The following BARX2 variants were observed in gnomAD, a reference collection of about 807,000 sequenced individuals.
The protein encoded by BARX2 is BARX homeobox 2.
In BARX2, 11 loss-of-function variants were observed where a neutral mutation model predicts 25.5. The ratio of observed to expected loss-of-function variants is 0.43; its 90% confidence interval spans 0.27 to 0.71. BARX2 has a LOEUF of 0.71. Ranked by LOEUF, BARX2 falls within the 30% of genes least tolerant of loss-of-function variation. The probability of loss-of-function intolerance (pLI) is 0.19; values close to 1 mark genes in which losing one functional copy is unlikely to be tolerated. For missense variants in BARX2, 360 were observed against 359.9 expected (o/e 1.00, Z 0.00); for synonymous variants, 137 against 149.5 (o/e 0.92, Z 0.61).
chr11:129,420,080 C>T (rs1861987361), intron 1 of BARX2, among the ~76,000 whole-genome samples: 1 of 152,202 alleles, frequency 6.6e-6, no homozygotes, highest in South Asian at 2.1e-4. Context: ...GCCACTGCAC[C>T]CGGCCTATCA....
chr11:129,408,702 T>A (rs1188011647), intron 1 of BARX2, among the ~76,000 whole-genome samples: 1 of 152,208 alleles, frequency 6.6e-6, no homozygotes, highest in Non-Finnish European at 1.5e-5. Context: ...GCCTCCCCCA[T>A]ACATGCTCCA....
intron 1 of BARX2, among the ~76,000 whole-genome samples, chr11:129,384,213 T>C (rs1201411455): frequency 6.6e-6 from 1 of 151,824 alleles, no homozygotes; most frequent in African/African-American, 2.4e-5. Context: ...GCCTAGGTGA[T>C]GTCAGATCAT....
intron 1 of BARX2, among the ~76,000 whole-genome samples, chr11:129,380,642 C>T (rs1490308778): frequency 2.0e-5 from 3 of 152,154 alleles, no homozygotes; most frequent in African/African-American, 4.8e-5. Flanking sequence ...GTAGCAATTA[C>T]TCATAACTGC....
Position 129,436,867 on chromosome 11 carries a change from G to C in BARX2, c.304G>C (p.Val102Leu), listed in dbSNP as rs757674186. The C allele has an allele frequency of 1.4e-5, 22 of 1,614,012 alleles. No homozygotes were observed. The highest frequency in any genetic ancestry group is 1.9e-5 in the Non-Finnish European group (22 of 1,180,000). ...GIAQALSCHQ[V>L]TEAVSAEAPG... ...CGCCCAGGCACTGTCCTGCCACCAG[G>C]TCACCGAGGCGGTCTCTGCTGAGGC... is the stretch of plus-strand genomic sequence containing the variant. Residue 102 changes from valine to leucine, a missense_variant, in exon 2 of 4, where the codon GTC becomes CTC. By Grantham distance (32) the Val-to-Leu change is conservative. Transcript: ENST00000281437. This position sits in a 1 kb window ranked among gnomAD's most constrained non-coding sequence, Gnocchi z 4.5.
chr11:129,378,781 TA>T (rs1157856254), intron 1 of BARX2, among the ~76,000 whole-genome samples: 3 of 149,630 alleles, frequency 2.0e-5, no homozygotes, highest in Non-Finnish European at 4.4e-5. Flanking sequence ...GCCTCAAAAT[TA>T]AAAAGTTACC....
chr11:129,438,062 C>G (rs1277677366), intron 2 of BARX2: 1 of 151,516 alleles, frequency 6.6e-6, no homozygotes, highest in Non-Finnish European at 1.5e-5. Flanking sequence ...TGTTGGCTCA[C>G]GCCTGTAATC....
Position 129,375,969 on chromosome 11 carries a change from C to G in BARX2, c.-67C>G, listed in dbSNP as rs1861497814. Reference sequence around the variant, plus strand: ...CCCAGGCCCCGCCGTCGCGCCAGCCCCGCGGCCCCAGCGGGCCGGGCACTC... The same window carrying G: ...CCCAGGCCCCGCCGTCGCGCCAGCCGCGCGGCCCCAGCGGGCCGGGCACTC... On this transcript the variant is annotated 5_prime_UTR_variant, in exon 1 of 4. Transcript: ENST00000281437. This position sits in a 1 kb window ranked among gnomAD's most constrained non-coding sequence, Gnocchi z 4.0. 2.0e-6 allele frequency: 2 copies of G among 1,007,858 alleles called. No individual in the cohort carries two copies. The highest frequency in any genetic ancestry group is 4.5e-5 in the South Asian group (1 of 22,258). The allele number at this position is 1,007,858 out of a possible 1,614,324, so 62.4% of individuals were successfully genotyped here. A position where few individuals can be genotyped will look rare whatever the true frequency, so the allele number is the denominator to read the frequency against.
At chr11:129,430,375 CAT>C (rs749585127) in intron 1 of BARX2, among the ~76,000 whole-genome samples, 9 of 151,490 alleles carry the variant, frequency 5.9e-5, no homozygotes, top group East Asian at 1.9e-4. Flanking sequence ...GGATTTAGGT[CAT>C]ATATATATAT....
intron 1 of BARX2, among the ~76,000 whole-genome samples, chr11:129,383,799 C>T (rs1198391564): frequency 6.6e-6 from 1 of 152,204 alleles, no homozygotes; most frequent in Non-Finnish European, 1.5e-5. Context: ...CGCGTCTTTC[C>T]AGCTTACCAA....
At chr11:129,391,359 G>A (rs1176464560) in intron 1 of BARX2, among the ~76,000 whole-genome samples, 2 of 152,202 alleles carry the variant, frequency 1.3e-5, no homozygotes, top group Admixed American at 6.5e-5. Context: ...ACCAGTCTGC[G>A]TGTTGTCTGT....
At chr11:129,447,650 T>A (rs1274226141) in intron 3 of BARX2, among the ~76,000 whole-genome samples, 3 of 152,192 alleles carry the variant, frequency 2.0e-5, no homozygotes, top group Non-Finnish European at 4.4e-5. Flanking sequence ...TTATTCCATT[T>A]AGAAAATGGT....
rs191068279 is a variant in BARX2 at position 129,413,935 on chromosome 11, G to A, written c.188-22816G>A. 2.1e-3 allele frequency among the ~76,000 whole-genome samples: 317 copies of A among 152,078 alleles called. 3 individuals are homozygous for A. Among genetic ancestry groups the A allele is most frequent in the Admixed American group, 0.018 (282 of 15,276 alleles). ...ACAAAAATTAGCCGGGCGTGGTGGCGGGCGCCTGTATTCCCAGCTACTGGG... is the reference window on the plus strand; with the variant it reads ...ACAAAAATTAGCCGGGCGTGGTGGCAGGCGCCTGTATTCCCAGCTACTGGG... On this transcript the variant is annotated intron_variant, in intron 1 of 3. Coordinates refer to ENST00000281437, the MANE Select transcript of BARX2 (RefSeq NM_003658.5).
intron 1 of BARX2, among the ~76,000 whole-genome samples, chr11:129,394,494 A>C (rs527405744): frequency 6.6e-6 from 1 of 152,256 alleles, no homozygotes; most frequent in Admixed American, 6.5e-5. Flanking sequence ...CTACCTATGA[A>C]GTGGGTTTAT....
rs888214392 is a variant in BARX2 at position 129,390,857 on chromosome 11, G to A, written c.187+14635G>A. On this transcript the variant is annotated intron_variant, in intron 1 of 3. Coordinates refer to ENST00000281437, the MANE Select transcript of BARX2 (RefSeq NM_003658.5). The surrounding 1 kb of genome is among the most constrained non-coding windows in gnomAD (Gnocchi z 4.3). ...TGGGTCACAAAAGATCATGACGACT[G>A]TATTATAATACAATAATGGTATTCA... Among the ~76,000 whole-genome samples, 1 of 152,158 alleles carries A rather than the reference G, an allele frequency of 6.6e-6. No homozygotes were observed. Among genetic ancestry groups the A allele is most frequent in the East Asian group, 1.9e-4 (1 of 5,196 alleles).
chr11:129,451,754 C>T lies in BARX2; in HGVS notation c.*352C>T, dbSNP rs901022942. The T allele has an allele frequency of 3.0e-5, 6 of 202,020 alleles. No homozygotes were observed. Among genetic ancestry groups the T allele is most frequent in the Non-Finnish European group, 5.0e-5 (5 of 100,168 alleles). The allele number at this position is 202,020 out of a possible 1,614,324, so 12.5% of individuals were successfully genotyped here. ...CAGTGGAAAGTGCTTAGCTCTCTCCCTCCTGACCTCTGGGCAGCCAGTCAT... is the reference window on the plus strand; with the variant it reads ...CAGTGGAAAGTGCTTAGCTCTCTCCTTCCTGACCTCTGGGCAGCCAGTCAT... On this transcript the variant is annotated 3_prime_UTR_variant, in exon 4 of 4. Coordinates refer to ENST00000281437, the MANE Select transcript of BARX2 (RefSeq NM_003658.5).
At chr11:129,379,745 C>A (rs1268434671) in intron 1 of BARX2, among the ~76,000 whole-genome samples, 1 of 152,018 alleles carries the variant, frequency 6.6e-6, no homozygotes, top group African/African-American at 2.4e-5. Flanking sequence ...TAAGGGTTTT[C>A]ACATGAAGAT....
At chr11:129,417,581 T>C (rs1397936416) in intron 1 of BARX2, among the ~76,000 whole-genome samples, 1 of 152,234 alleles carries the variant, frequency 6.6e-6, no homozygotes, top group African/African-American at 2.4e-5. Context: ...CTCTTTTCTG[T>C]GCCAAACCTG....
rs377376108 is a variant in BARX2 at position 129,436,940 on chromosome 11, C to T, written c.377C>T (p.Pro126Leu). The change falls in exon 2 of 4, where the codon CCC becomes CTC. Residue 126 changes from proline (P) to leucine (L), a missense_variant. Pro to Leu is a moderately conservative substitution (Grantham distance 98). Coordinates refer to ENST00000281437, the MANE Select transcript of BARX2 (RefSeq NM_003658.5). The surrounding 1 kb of genome is among the most constrained non-coding windows in gnomAD (Gnocchi z 4.5). ...LASSESETEQ[P>L]TPRQKKPRRS... ...AGCAGCGAGTCAGAGACGGAACAGC[C>T]CACGCCCCGACAGAAGAAGCCCCGC... 5.6e-6 allele frequency: 9 copies of T among 1,613,288 alleles called. No individual in the cohort carries two copies. In the African/African-American group the frequency reaches 1.1e-4, roughly 19 times the overall value.
rs955596045 is a variant in BARX2, at chr11:129,436,665, G to A, written c.188-86G>A. On this transcript the variant is annotated intron_variant, in intron 1 of 3. Transcript: ENST00000281437. The surrounding 1 kb of genome is among the most constrained non-coding windows in gnomAD (Gnocchi z 4.5). ...AGAGCAGGGCCCTCCCTGTCAGACAGACCTCAGCCAGCGGCCCTCCGCAGG... is the reference window on the plus strand; with the variant it reads ...AGAGCAGGGCCCTCCCTGTCAGACAAACCTCAGCCAGCGGCCCTCCGCAGG... 1 of 1,428,316 alleles carries A rather than the reference G, an allele frequency of 7.0e-7. No individual in the cohort carries two copies. Among genetic ancestry groups the A allele is most frequent in the Non-Finnish European group, 9.4e-7 (1 of 1,059,862 alleles). 88.5% of individuals were successfully genotyped at this position (1,428,316 alleles called of 1,614,324 possible).
Sources: gnomAD v4.1 joint callset for allele counts (sites outside exome capture counted in the v4.1 genomes callset) on GRCh38, gnomAD v4.1.1 for gene constraint, Gnocchi (gnomAD v3.1) non-coding constraint, MANE v1.5 for transcripts, NCBI Gene and HGNC (gene_info 2026-07-23, HGNC 2026-07-21) for gene names.